NRG1: variants seen among roughly 807,000 people sequenced by gnomAD.
NRG1 encodes neuregulin 1.
Under a neutral mutation model 63.8 loss-of-function variants are expected in NRG1, and 18 were observed. The observed-to-expected ratio is 0.28, with a 90% CI of 0.19 to 0.42. NRG1 has a LOEUF of 0.42. Among genes scored for constraint, NRG1 ranks in the 10% least tolerant of loss-of-function variants. NRG1 has a pLI of 1.00. For missense variants in NRG1, 762 were observed against 814.7 expected (o/e 0.94, Z 0.79); for synonymous variants, 302 against 301.3 (o/e 1.00, Z -0.02).
At position 32,185,120 on chromosome 8, in the gene NRG1, A is replaced by C. The variant is rs771318096; in HGVS notation, c.38-410708A>C. Among the ~76,000 whole-genome samples the C allele has an allele frequency of 4.8e-4, 73 of 152,028 alleles. 1 individual carries two copies. The highest frequency in any genetic ancestry group is 7.9e-4 in the Non-Finnish European group (54 of 68,016). On this transcript the variant is annotated intron_variant, in intron 1 of 10. Transcript: ENST00000519301. ...TCATCCTTCTAAGTTCTTACTCCAC[A>C]CTCCCGTGGGTGCTCATGCATGTGT...
chr8:32,668,549 C>T (rs549230325), intron 5 of NRG1, among the ~76,000 whole-genome samples: 1 of 152,290 alleles, frequency 6.6e-6, no homozygotes, highest in African/African-American at 2.4e-5. Context: ...ACAGCTGTCT[C>T]ACCCAGTATC....
chr8:32,340,927 G>A (rs971846016), intron 1 of NRG1, among the ~76,000 whole-genome samples: 6 of 152,198 alleles, frequency 3.9e-5, no homozygotes, highest in Non-Finnish European at 7.3e-5. Flanking sequence ...CAACAGTCAA[G>A]ATGAGTGCTT....
intron 1 of NRG1, among the ~76,000 whole-genome samples, chr8:32,455,866 C>T (rs770229383): frequency 3.9e-5 from 6 of 152,196 alleles, no homozygotes; most frequent in Admixed American, 2.0e-4. Flanking sequence ...CAGCTCACTG[C>T]GGCCTCCACC....
At chr8:32,501,200 A>T (rs186712737) in intron 1 of NRG1, among the ~76,000 whole-genome samples, 4 of 152,214 alleles carry the variant, frequency 2.6e-5, no homozygotes, top group Non-Finnish European at 5.9e-5. Context: ...AAAGTTCATT[A>T]TAAGTCAATT....
intron 1 of NRG1, among the ~76,000 whole-genome samples, chr8:32,254,167 G>C (rs1849427974): frequency 6.6e-6 from 1 of 151,860 alleles, no homozygotes; most frequent in Non-Finnish European, 1.5e-5. Context: ...TTTTTTAAAG[G>C]GTTTTTCATG....
Position 32,401,369 on chromosome 8 carries a change from G to A in NRG1, c.38-194459G>A, listed in dbSNP as rs575398269. Among the ~76,000 whole-genome samples the A allele has an allele frequency of 1.6e-4, 25 of 152,220 alleles. No individual in the cohort carries two copies. The South Asian group carries it at 4.8e-3, about 29-fold the overall frequency. ...TGCAAACGTGCCCTGCTTTCTGGCA[G>A]TACCCCATTCCCTGTTCCTTAGTTT... On this transcript the variant is annotated intron_variant, in intron 1 of 10. Transcript: ENST00000519301.
chr8:32,469,389 CG>C (rs1823490120), intron 1 of NRG1, among the ~76,000 whole-genome samples: 1 of 152,112 alleles, frequency 6.6e-6, no homozygotes, highest in Non-Finnish European at 1.5e-5. Context: ...GGGAGAGTGA[CG>C]TGGATGGTAA....
At chr8:32,399,124 A>G (rs1812834354) in intron 1 of NRG1, among the ~76,000 whole-genome samples, 1 of 152,132 alleles carries the variant, frequency 6.6e-6, no homozygotes, top group Admixed American at 6.5e-5. Context: ...GAAACAGGCA[A>G]ATCTCATATA....
intron 1 of NRG1, among the ~76,000 whole-genome samples, chr8:32,420,263 G>T (rs553973985): frequency 2.5e-4 from 38 of 152,126 alleles, no homozygotes; most frequent in Non-Finnish European, 4.9e-4. Context: ...CTTCCCTTGG[G>T]GGTTGTTTTT....
chr8:32,326,885 A>C (rs537671581), intron 1 of NRG1, among the ~76,000 whole-genome samples: 1 of 152,334 alleles, frequency 6.6e-6, no homozygotes, highest in South Asian at 2.1e-4. Flanking sequence ...CCTATGCTCA[A>C]GCAATATCTT....
At chr8:32,293,413 T>A (rs1449276418) in intron 1 of NRG1, among the ~76,000 whole-genome samples, 4 of 152,134 alleles carry the variant, frequency 2.6e-5, no homozygotes, top group Non-Finnish European at 4.4e-5. Flanking sequence ...AACAGATTTT[T>A]CCCTGGAGCC....
intron 1 of NRG1, among the ~76,000 whole-genome samples, chr8:31,910,721 A>C (rs1832869869): frequency 6.6e-6 from 1 of 152,222 alleles, no homozygotes; most frequent in African/African-American, 2.4e-5. Context: ...AATACAGATT[A>C]AGAATAGGGG....
chr8:31,843,788 C>A (rs1312971070), intron 1 of NRG1, among the ~76,000 whole-genome samples: 1 of 152,168 alleles, frequency 6.6e-6, no homozygotes. Context: ...AAGGAAACTT[C>A]TACTACCACT....
intron 1 of NRG1, among the ~76,000 whole-genome samples, chr8:32,048,446 C>CATATATATAT (rs869311093): frequency 1.0e-3 from 7 of 6,726 alleles, no homozygotes; most frequent in African/African-American, 1.2e-3. Context: ...TATATACATA[C>CATATATATAT]ATATATATAT....
At chr8:32,171,893 C>CT (rs1840099050) in intron 1 of NRG1, among the ~76,000 whole-genome samples, 1 of 152,200 alleles carries the variant, frequency 6.6e-6, no homozygotes, top group Non-Finnish European at 1.5e-5. Flanking sequence ...GGAGGCCTGT[C>CT]TGCCTCTGTA....
chr8:32,116,554 A>G (rs1832737468), intron 1 of NRG1, among the ~76,000 whole-genome samples: 1 of 152,178 alleles, frequency 6.6e-6, no homozygotes, highest in South Asian at 2.1e-4. Context: ...GGCAAGAGTA[A>G]GTGGTTTAAT....
At chr8:31,931,868 C>T (rs1014799756) in intron 1 of NRG1, among the ~76,000 whole-genome samples, 2 of 152,116 alleles carry the variant, frequency 1.3e-5, no homozygotes, top group South Asian at 4.1e-4. Flanking sequence ...ACTACTTGCT[C>T]GCTCTCAGTG....
intron 1 of NRG1, among the ~76,000 whole-genome samples, chr8:32,078,056 A>G (rs1452051387): frequency 6.6e-6 from 1 of 152,184 alleles, no homozygotes; most frequent in Non-Finnish European, 1.5e-5. Flanking sequence ...TTCCATATGT[A>G]CAAGAGAGAA....
At chr8:32,292,153 G>A (rs117698053) in intron 1 of NRG1, among the ~76,000 whole-genome samples, 377 of 152,130 alleles carry the variant, frequency 2.5e-3, no homozygotes, top group Non-Finnish European at 4.2e-3. Flanking sequence ...TACCTGAAAT[G>A]TTTACTTTAT....
Sources: allele counts gnomAD v4.1 joint callset (sites outside exome capture counted in the v4.1 genomes callset), GRCh38; gene constraint gnomAD v4.1.1; transcripts MANE v1.5; gene names NCBI Gene and HGNC (gene_info 2026-07-23, HGNC 2026-07-21).